LINGO2: variants seen among roughly 807,000 people sequenced by gnomAD.
The protein encoded by LINGO2 is leucine-rich repeat and immunoglobulin-like domain-containing nogo receptor-interacting protein 2.
A neutral mutation model predicts 30.6 loss-of-function variants in LINGO2; 14 were observed. The ratio of observed to expected loss-of-function variants is 0.46; its 90% confidence interval spans 0.30 to 0.72. The LOEUF (loss-of-function observed/expected upper bound fraction) is 0.72. Among genes scored for constraint, LINGO2 ranks in the 30% least tolerant of loss-of-function variants. The pLI, the probability that LINGO2 is intolerant of heterozygous loss-of-function variation, is 0.07. For missense variants in LINGO2, 729 were observed against 751.7 expected, an observed-to-expected ratio of 0.97 and a Z score of 0.35; for synonymous variants, 317 against 288.5, an observed-to-expected ratio of 1.10 and a Z score of -1.00.
the LINGO2 span, among the ~76,000 whole-genome samples, chr9:28,941,592 GAATA>G: frequency 6.6e-6 from 1 of 152,034 alleles, no homozygotes; most frequent in East Asian, 1.9e-4. Flanking sequence ...TTTTACATTA[GAATA>G]AATCCTCCAC....
intron 4 of LINGO2, chr9:28,081,049 T>C (rs1158967309): frequency 1.3e-5 from 2 of 152,198 alleles, no homozygotes; most frequent in Non-Finnish European, 2.9e-5. Context: ...ATTCACTAAT[T>C]GAAAACAACA....
At chr9:28,169,697 G>A (rs1828528749) in intron 4 of LINGO2, among the ~76,000 whole-genome samples, 1 of 152,178 alleles carries the variant, frequency 6.6e-6, no homozygotes, top group African/African-American at 2.4e-5. Flanking sequence ...GCATAATCAT[G>A]AGCATAGAAA....
intron 1 of LINGO2, among the ~76,000 whole-genome samples, chr9:28,619,499 T>C (rs1324369549): frequency 1.3e-5 from 2 of 152,154 alleles, no homozygotes; most frequent in African/African-American, 4.8e-5. Flanking sequence ...AGATACTGAA[T>C]GTAATTAATT....
At chr9:28,931,618 C>T in the LINGO2 span, among the ~76,000 whole-genome samples, 1 of 152,164 alleles carries the variant, frequency 6.6e-6, no homozygotes, top group Non-Finnish European at 1.5e-5. Flanking sequence ...AGAAAAATCT[C>T]TTTTCATAGA....
At chr9:28,395,922 G>C (rs76259513) in intron 2 of LINGO2, among the ~76,000 whole-genome samples, 2,633 of 152,136 alleles carry the variant, frequency 0.017, 89 homozygotes, top group African/African-American at 0.061. Context: ...ATTAATATTA[G>C]ATCTTAAGTT....
At chr9:28,000,353 G>A (rs545237092) in intron 5 of LINGO2, among the ~76,000 whole-genome samples, 3 of 151,814 alleles carry the variant, frequency 2.0e-5, no homozygotes, top group Admixed American at 6.6e-5. Flanking sequence ...GCCACAGAGT[G>A]GTATTAACAA....
chr9:28,707,307 C>T, the LINGO2 span, among the ~76,000 whole-genome samples: 1 of 152,036 alleles, frequency 6.6e-6, no homozygotes, highest in African/African-American at 2.4e-5. Flanking sequence ...ATGTAGGATG[C>T]AAAGTACCTA....
chr9:28,608,102 T>A (rs925316471), intron 1 of LINGO2, among the ~76,000 whole-genome samples: 1 of 151,842 alleles, frequency 6.6e-6, no homozygotes, highest in African/African-American at 2.4e-5. Context: ...ACTGCTGAAG[T>A]AATACTGTTT....
At chr9:28,530,520 C>A (rs1288606647) in intron 1 of LINGO2, among the ~76,000 whole-genome samples, 5 of 152,060 alleles carry the variant, frequency 3.3e-5, no homozygotes, top group Non-Finnish European at 7.4e-5. Context: ...CACAGGTTGA[C>A]CTAATTAACA....
chr9:29,104,065 T>C, the LINGO2 span, among the ~76,000 whole-genome samples: 1 of 152,086 alleles, frequency 6.6e-6, no homozygotes, highest in Non-Finnish European at 1.5e-5. Context: ...TCAATAACAT[T>C]GGGCACAAAA....
At chr9:28,980,726 T>C in the LINGO2 span, among the ~76,000 whole-genome samples, 2 of 152,122 alleles carry the variant, frequency 1.3e-5, no homozygotes, top group Admixed American at 1.3e-4. Context: ...CCATTTAAAA[T>C]TTGAGACCTC....
the LINGO2 span, among the ~76,000 whole-genome samples, chr9:29,168,257 T>C: frequency 6.6e-6 from 1 of 151,262 alleles, no homozygotes; most frequent in Non-Finnish European, 1.5e-5. Flanking sequence ...AACAAGCTAA[T>C]ATAAGAAAAA....
At chr9:28,453,366 G>A (rs1824723726) in intron 2 of LINGO2, among the ~76,000 whole-genome samples, 1 of 151,920 alleles carries the variant, frequency 6.6e-6, no homozygotes. Context: ...TGAAGTGGAT[G>A]AATGTTGGAG....
At chr9:28,758,808 C>A in the LINGO2 span, among the ~76,000 whole-genome samples, 1 of 152,028 alleles carries the variant, frequency 6.6e-6, no homozygotes, top group Non-Finnish European at 1.5e-5. Flanking sequence ...GTATCATTAG[C>A]TTTTAGTTGT....
At chr9:28,131,775 A>C (rs1827384681) in intron 4 of LINGO2, among the ~76,000 whole-genome samples, 1 of 152,192 alleles carries the variant, frequency 6.6e-6, no homozygotes, top group African/African-American at 2.4e-5. Flanking sequence ...AGCTGGAACA[A>C]ATCAAAGGTA....
At chr9:28,620,037 T>G (rs1826319584) in intron 1 of LINGO2, among the ~76,000 whole-genome samples, 1 of 152,128 alleles carries the variant, frequency 6.6e-6, no homozygotes, top group East Asian at 1.9e-4. Flanking sequence ...TGTTTGTCCA[T>G]GTACAGCCAT....
chr9:29,110,680 G>T, the LINGO2 span, among the ~76,000 whole-genome samples: 1 of 148,232 alleles, frequency 6.7e-6, no homozygotes, highest in East Asian at 2.1e-4. Context: ...GTGGTCCCTG[G>T]AAGTTACTTT....
At chr9:28,040,434 T>G (rs1017824799) in intron 4 of LINGO2, among the ~76,000 whole-genome samples, 7 of 151,520 alleles carry the variant, frequency 4.6e-5, no homozygotes, top group African/African-American at 1.7e-4. Context: ...GTTTTTTTTT[T>G]TTTTTTTTTT....
chr9:29,007,211 A>C, the LINGO2 span, among the ~76,000 whole-genome samples: 3 of 152,044 alleles, frequency 2.0e-5, no homozygotes, highest in Non-Finnish European at 4.4e-5. Flanking sequence ...GATACTGAAT[A>C]TTTCTTCCCA....
Sources: gnomAD v4.1 joint callset for allele counts (sites outside exome capture counted in the v4.1 genomes callset) on GRCh38, gnomAD v4.1.1 for gene constraint, MANE v1.5 for transcripts, NCBI Gene and HGNC (gene_info 2026-07-23, HGNC 2026-07-21) for gene names.